The following MUSK variants were observed in gnomAD, a reference collection of about 807,000 sequenced individuals.
MUSK encodes muscle associated receptor tyrosine kinase, also known as muscle, skeletal receptor tyrosine-protein kinase.
MUSK carries 55 observed loss-of-function variants against 88.7 expected under a neutral mutation model. The observed-to-expected ratio is 0.62, with a 90% CI of 0.50 to 0.78. MUSK has a LOEUF of 0.78. Among genes scored for constraint, MUSK ranks in the 30% least tolerant of loss-of-function variants. The probability of loss-of-function intolerance (pLI) is 0.00; values close to 1 mark genes in which losing one functional copy is unlikely to be tolerated. For synonymous variants in MUSK, 387 were observed against 391.9 expected, an observed-to-expected ratio of 0.99 and a Z score of 0.15; for missense variants, 1,015 against 1,074.3, an observed-to-expected ratio of 0.94 and a Z score of 0.77.
chr9:110,684,967 T>A (rs1369478404), intron 2 of MUSK, among the ~76,000 whole-genome samples: 1 of 152,150 alleles, frequency 6.6e-6, no homozygotes, highest in Non-Finnish European at 1.5e-5. Flanking sequence ...CTTTCTCTTG[T>A]CTGATTGCTC....
chr9:110,672,431 C>A (rs2075970631), intron 1 of MUSK, among the ~76,000 whole-genome samples: 1 of 152,248 alleles, frequency 6.6e-6, no homozygotes, highest in African/African-American at 2.4e-5. Context: ...GCACTATACC[C>A]AGCAGTGCTA....
In MUSK at chr9:110,689,701, AAATATATAACTATATATGT is replaced by A. The variant is rs1445956706; in HGVS notation, c.358+2434_358+2452del. On this transcript the variant is annotated intron_variant, in intron 3 of 14. Transcript: ENST00000374448. ...TATATAACTATATATAGTTATATATAAATATATAACTATATATGTTATATATAGTTTATATATAATATTA... is the reference window on the plus strand; with the variant it reads ...TATATAACTATATATAGTTATATATATATATATAGTTTATATATAATATTA... Among the ~76,000 whole-genome samples, 383 of 48,012 alleles carry A rather than the reference AAATATATAACTATATATGT, an allele frequency of 8.0e-3. 8 individuals are homozygous for A. The highest frequency in any genetic ancestry group is 0.056 in the African/African-American group (362 of 6,488). The allele number at this position is 48,012 out of a possible 152,430, so 31.5% of individuals were successfully genotyped here.
chr9:110,776,699 ATTGG>A, intron 11 of MUSK, 44 bp downstream of exon 11: 1 of 1,497,468 alleles, frequency 6.7e-7, no homozygotes, highest in Non-Finnish European at 9.2e-7. Context: ...TGTGTATGTA[ATTGG>A]ATTCATGCAT....
intron 14 of MUSK, among the ~76,000 whole-genome samples, chr9:110,789,451 T>G (rs2077934797): frequency 6.6e-6 from 1 of 152,184 alleles, no homozygotes; most frequent in Admixed American, 6.5e-5. Flanking sequence ...AAGGAACAGG[T>G]TCCTTTAGTG....
In MUSK at chr9:110,776,588, T is replaced by C. The variant is rs2077674939; in HGVS notation, c.1361-44T>C. ...ACTCTCTCACAGAATATGTGAGATA[T>C]CTGGATGCTCACTTAAAACAAATTT... On this transcript the variant is annotated intron_variant, in intron 10 of 14. Coordinates refer to ENST00000374448, the MANE Select transcript of MUSK (RefSeq NM_005592.4). 2.7e-6 allele frequency: 4 copies of C among 1,503,622 alleles called. No individual in the cohort carries two copies. In the East Asian group the frequency reaches 9.1e-5, roughly 34 times the overall value. 93.1% of individuals were successfully genotyped at this position (1,503,622 alleles called of 1,614,324 possible). A position where few individuals can be genotyped will look rare whatever the true frequency, so the allele number is the denominator to read the frequency against.
chr9:110,771,412 A>C (rs1394228463), intron 9 of MUSK, among the ~76,000 whole-genome samples: 1 of 151,554 alleles, frequency 6.6e-6, no homozygotes, highest in African/African-American at 2.4e-5. Context: ...TTTCTAATCA[A>C]CTTCCCATTA....
intron 5 of MUSK, among the ~76,000 whole-genome samples, chr9:110,718,307 C>A (rs1457496251): frequency 6.6e-6 from 1 of 152,004 alleles, no homozygotes; most frequent in African/African-American, 2.4e-5. Flanking sequence ...TCACTTCTGC[C>A]ACATCCTATT....
chr9:110,786,569 C>T (rs1234764114), intron 13 of MUSK, among the ~76,000 whole-genome samples: 2 of 151,736 alleles, frequency 1.3e-5, no homozygotes, highest in East Asian at 3.9e-4. Flanking sequence ...AAGAATTTAC[C>T]ATATATTTTT....
chr9:110,691,879 G>T (rs7040569), intron 3 of MUSK, among the ~76,000 whole-genome samples: 89,762 of 151,868 alleles, frequency 0.59, 27,209 homozygotes, highest in African/African-American at 0.66. Flanking sequence ...CATTTTGCTC[G>T]CATTGTTGGA....
intron 5 of MUSK, among the ~76,000 whole-genome samples, chr9:110,698,712 G>A (rs537938067): frequency 3.3e-5 from 5 of 152,104 alleles, no homozygotes; most frequent in African/African-American, 4.8e-5. Flanking sequence ...GAGGTTGGTG[G>A]GAATAGTGGC....
intron 6 of MUSK, among the ~76,000 whole-genome samples, chr9:110,746,626 C>T (rs2077177642): frequency 6.6e-6 from 1 of 152,156 alleles, no homozygotes; most frequent in African/African-American, 2.4e-5. Flanking sequence ...GTCAATATTG[C>T]ATTGATATCT....
intron 5 of MUSK, among the ~76,000 whole-genome samples, chr9:110,730,493 T>C (rs531688017): frequency 3.3e-5 from 5 of 152,234 alleles, no homozygotes; most frequent in African/African-American, 1.2e-4. Flanking sequence ...ATGCCCATTT[T>C]ATTTAATAAG....
chr9:110,681,092 T>TA (rs2076120362), intron 1 of MUSK, among the ~76,000 whole-genome samples: 4 of 20,704 alleles, frequency 1.9e-4, no homozygotes, highest in Non-Finnish European at 3.2e-4. Context: ...ATATAATATA[T>TA]ATTATATAAT....
chr9:110,682,864 T>C (rs916321902), intron 2 of MUSK, 64 bp downstream of exon 2: 2 of 1,171,908 alleles, frequency 1.7e-6, no homozygotes, highest in Non-Finnish European at 2.4e-6. Flanking sequence ...TATATATATG[T>C]ATATATTTAT....
At chr9:110,773,473 A>G (rs770978199) in intron 9 of MUSK, among the ~76,000 whole-genome samples, 15 of 152,140 alleles carry the variant, frequency 9.9e-5, no homozygotes, top group Non-Finnish European at 1.8e-4. Flanking sequence ...ATAATCATGT[A>G]TAAGTAGATA....
chr9:110,689,595 A>G (rs2076264603), intron 3 of MUSK, among the ~76,000 whole-genome samples: 1 of 105,670 alleles, frequency 9.5e-6, no homozygotes, highest in African/African-American at 4.0e-5. Flanking sequence ...TACATAATAT[A>G]TAACATATTA....
intron 3 of MUSK, among the ~76,000 whole-genome samples, chr9:110,689,262 A>T (rs1400430210): frequency 4.2e-5 from 5 of 119,184 alleles, no homozygotes; most frequent in African/African-American, 6.9e-5. Flanking sequence ...ATATTTATAT[A>T]TTGTATAGTT....
At chr9:110,755,951 CACATATATATATACATAT>C (rs2077311032) in intron 7 of MUSK, among the ~76,000 whole-genome samples, 5 of 101,792 alleles carry the variant, frequency 4.9e-5, no homozygotes, top group Non-Finnish European at 9.6e-5. Flanking sequence ...TATATATATA[CACATATATATATACATAT>C]ATATATATAC....
At chr9:110,737,976 T>C (rs1054275189) in intron 6 of MUSK, among the ~76,000 whole-genome samples, 31 of 152,170 alleles carry the variant, frequency 2.0e-4, no homozygotes, top group African/African-American at 5.8e-4. Context: ...GCATACATTA[T>C]AGCTCCCAGA....
Sources: allele counts gnomAD v4.1 joint callset (sites outside exome capture counted in the v4.1 genomes callset), GRCh38; gene constraint gnomAD v4.1.1; transcripts MANE v1.5; gene names NCBI Gene and HGNC (gene_info 2026-07-23, HGNC 2026-07-21).